ARHGAP24: variants seen among roughly 807,000 people sequenced by gnomAD.
ARHGAP24 encodes the protein Rho GTPase activating protein 24, also known as rho GTPase-activating protein 24.
Under a neutral mutation model 76.4 loss-of-function variants are expected in ARHGAP24, and 50 were observed. That is an observed-to-expected ratio of 0.65 (90% confidence interval 0.52 to 0.83). The LOEUF (loss-of-function observed/expected upper bound fraction) is 0.83. Ranked by LOEUF, ARHGAP24 falls within the 40% of genes least tolerant of loss-of-function variation. The probability of loss-of-function intolerance (pLI) is 0.00; values close to 1 mark genes in which losing one functional copy is unlikely to be tolerated. For missense variants in ARHGAP24, 930 were observed against 914.2 expected, an observed-to-expected ratio of 1.02 and a Z score of -0.22; for synonymous variants, 345 against 323.3, an observed-to-expected ratio of 1.07 and a Z score of -0.72.
At chr4:85,629,311 C>T (rs2110011403) in intron 2 of ARHGAP24, among the ~76,000 whole-genome samples, 1 of 152,226 alleles carries the variant, frequency 6.6e-6, no homozygotes, top group Non-Finnish European at 1.5e-5. Context: ...TATTGTGTAT[C>T]CATTAGCAAA....
chr4:85,764,211 C>G lies in ARHGAP24; in HGVS notation c.268+42239C>G, dbSNP rs72976713. Among the ~76,000 whole-genome samples, 847 of 151,676 alleles carry G rather than the reference C, an allele frequency of 5.6e-3. 10 individuals are homozygous for G. Among genetic ancestry groups the G allele is most frequent in the African/African-American group, 0.019 (784 of 41,368 alleles). On this transcript the variant is annotated intron_variant, in intron 3 of 9. Transcript: ENST00000395184. The stretch of plus-strand genomic sequence containing the variant: ...TTCTTTTCTCCAATTTTTATTTTTA[C>G]CTCTTCATACTCAATTTTAAATTTA...
At chr4:85,864,932 AT>A (rs1272547440) in intron 3 of ARHGAP24, among the ~76,000 whole-genome samples, 1 of 152,178 alleles carries the variant, frequency 6.6e-6, no homozygotes, top group Non-Finnish European at 1.5e-5. Context: ...ATGTGAATGC[AT>A]TTGAAATAAA....
At chr4:85,622,301 G>A (rs1720747943) in intron 2 of ARHGAP24, among the ~76,000 whole-genome samples, 2 of 122,082 alleles carry the variant, frequency 1.6e-5, no homozygotes, top group Non-Finnish European at 3.1e-5. Flanking sequence ...CTGTGTCCAT[G>A]TGTTCTCATT....
chr4:85,930,851 T>C (rs1736288749), intron 4 of ARHGAP24: 9 of 1,604,332 alleles, frequency 5.6e-6, no homozygotes, highest in Admixed American at 1.7e-5. Context: ...TAAACAAGCA[T>C]GAGGAGTGGC....
intron 2 of ARHGAP24, among the ~76,000 whole-genome samples, chr4:85,574,189 A>G (rs958878353): frequency 4.6e-5 from 7 of 152,322 alleles, no homozygotes; most frequent in Non-Finnish European, 8.8e-5. Flanking sequence ...TTAATTTATT[A>G]TAGTAAATTT....
At chr4:85,503,580 T>TA (rs1355674490) in intron 1 of ARHGAP24, among the ~76,000 whole-genome samples, 6 of 152,214 alleles carry the variant, frequency 3.9e-5, no homozygotes, top group African/African-American at 1.4e-4. Context: ...TATCATTTTT[T>TA]ATTGCATCCA....
chr4:85,541,877 T>C (rs1178688522), intron 1 of ARHGAP24, among the ~76,000 whole-genome samples: 1 of 151,996 alleles, frequency 6.6e-6, no homozygotes, highest in Non-Finnish European at 1.5e-5. Flanking sequence ...TTCTTCACGA[T>C]AGTGTGGAAG....
At chr4:85,972,838 G>GT (rs1739069900) in intron 6 of ARHGAP24, among the ~76,000 whole-genome samples, 1 of 152,002 alleles carries the variant, frequency 6.6e-6, no homozygotes. Flanking sequence ...ATCATTCAAT[G>GT]TTTTTTTGGT....
At chr4:85,977,208 C>A (rs113272832) in intron 7 of ARHGAP24, among the ~76,000 whole-genome samples, 28 of 152,248 alleles carry the variant, frequency 1.8e-4, no homozygotes, top group Middle Eastern at 6.8e-3. Flanking sequence ...TTATTACAGT[C>A]CCCTAATTGA....
intron 1 of ARHGAP24, among the ~76,000 whole-genome samples, chr4:85,493,161 G>A (rs958830728): frequency 1.3e-5 from 2 of 152,206 alleles, no homozygotes; most frequent in African/African-American, 2.4e-5. Flanking sequence ...AAATACTACT[G>A]ATGTTAACTC....
chr4:85,693,361 C>G (rs966518145), intron 2 of ARHGAP24, among the ~76,000 whole-genome samples: 2 of 152,194 alleles, frequency 1.3e-5, no homozygotes, highest in Admixed American at 1.3e-4. Context: ...AGGCCACATC[C>G]TTTCCCAACT....
chr4:85,973,833 G>GTTTTC (rs1739137229), intron 6 of ARHGAP24, among the ~76,000 whole-genome samples: 1 of 42,820 alleles, frequency 2.3e-5, no homozygotes, highest in Admixed American at 3.0e-4. Flanking sequence ...GCTGCCTATT[G>GTTTTC]TTTTTTTTTT....
chr4:85,756,157 T>A (rs1726486226), intron 3 of ARHGAP24, among the ~76,000 whole-genome samples: 1 of 152,208 alleles, frequency 6.6e-6, no homozygotes, highest in Non-Finnish European at 1.5e-5. Context: ...TACAATAGAT[T>A]ACAACAGATG....
At chr4:85,861,538 C>G (rs1731896879) in intron 3 of ARHGAP24, among the ~76,000 whole-genome samples, 1 of 152,024 alleles carries the variant, frequency 6.6e-6, no homozygotes, top group African/African-American at 2.4e-5. Context: ...AAGCATGAAG[C>G]AAGACATACG....
intron 3 of ARHGAP24, among the ~76,000 whole-genome samples, chr4:85,776,822 C>T (rs1727325646): frequency 6.6e-6 from 1 of 152,130 alleles, no homozygotes; most frequent in South Asian, 2.1e-4. Context: ...AGGCCTATTA[C>T]CTTACAAGGT....
At chr4:85,638,137 G>A (rs917929374) in intron 2 of ARHGAP24, among the ~76,000 whole-genome samples, 9 of 152,120 alleles carry the variant, frequency 5.9e-5, no homozygotes, top group African/African-American at 1.9e-4. Context: ...TGGTGGTCTT[G>A]TATGTTCATG....
At chr4:85,757,406 C>T (rs1156595325) in intron 3 of ARHGAP24, among the ~76,000 whole-genome samples, 1 of 151,872 alleles carries the variant, frequency 6.6e-6, no homozygotes, top group Non-Finnish European at 1.5e-5. Flanking sequence ...GTGATGTTCC[C>T]CACCCTGTGT....
At chr4:85,726,604 C>T (rs908163179) in intron 3 of ARHGAP24, among the ~76,000 whole-genome samples, 1 of 152,050 alleles carries the variant, frequency 6.6e-6, no homozygotes, top group Non-Finnish European at 1.5e-5. Flanking sequence ...GTTCCTGCTG[C>T]GTTGTAGAAC....
rs1183113086 is a variant in ARHGAP24 at position 85,868,428 on chromosome 4, AT to A, written c.269-55218del. On this transcript the variant is annotated intron_variant, in intron 3 of 9. Transcript: ENST00000395184. ...GGAAAAGATCTGGCAAGGGAAGAGG[AT>A]TCTCTACAGAATGCAAATTTCCCCA... is the stretch of plus-strand genomic sequence containing the variant. 3.3e-5 allele frequency among the ~76,000 whole-genome samples: 5 copies of A among 152,300 alleles called. No homozygotes were observed. The East Asian group carries it at 7.7e-4, about 24-fold the overall frequency.
Sources: gnomAD v4.1 joint callset for allele counts (sites outside exome capture counted in the v4.1 genomes callset) on GRCh38, gnomAD v4.1.1 for gene constraint, MANE v1.5 for transcripts, NCBI Gene and HGNC (gene_info 2026-07-23, HGNC 2026-07-21) for gene names.